CCNK: variants seen among roughly 807,000 people sequenced by gnomAD.
CCNK encodes cyclin K.
Under a neutral mutation model 65.0 loss-of-function variants are expected in CCNK, and 9 were observed. That is an observed-to-expected ratio of 0.14 (90% CI 0.08 to 0.24). The LOEUF (loss-of-function observed/expected upper bound fraction) is 0.24. CCNK is among the 10% of genes least tolerant of loss of function. CCNK has a pLI of 1.00. For synonymous variants in CCNK, 279 were observed against 270.8 expected, an observed-to-expected ratio of 1.03 and a Z score of -0.30; for missense variants, 474 against 720.0, an observed-to-expected ratio of 0.66 and a Z score of 3.91.
At chr14:99,492,943 C>A in intron 2 of CCNK, 69 bp downstream of exon 2, 1 of 1,265,458 alleles carries the variant, frequency 7.9e-7, no homozygotes, top group Non-Finnish European at 1.1e-6. Flanking sequence ...TAATTAGATT[C>A]TGTAGACAAA....
rs867757117 is a variant in CCNK, at chr14:99,510,399, G to A, written c.1360G>A (p.Glu454Lys). Residue 454 changes from glutamate to lysine, a missense_variant, in exon 11 of 11, where the codon GAG (glutamate) becomes AAG (lysine). Physicochemically the swap from Glu to Lys is moderately conservative, Grantham distance 56. Coordinates refer to ENST00000389879, the MANE Select transcript of CCNK (RefSeq NM_001099402.2). ...YQSLQSMMKTEGPSYGALPPA... is the reference protein window; with the variant it reads ...YQSLQSMMKTKGPSYGALPPA... The stretch of plus-strand genomic sequence containing the variant: ...GAGCCTGCAGTCCATGATGAAGACC[G>A]AGGGACCCTCCTACGGTGCCCTGCC... 5 of 1,559,270 alleles carry A rather than the reference G, an allele frequency of 3.2e-6. No individual in the cohort carries two copies. The highest frequency in any genetic ancestry group is 3.5e-6 in the Non-Finnish European group (4 of 1,154,578).
chr14:99,502,502 A>G, intron 7 of CCNK, 126 bp downstream of exon 7: 2 of 1,391,096 alleles, frequency 1.4e-6, no homozygotes, highest in Non-Finnish European at 9.6e-7. Flanking sequence ...CAGAAGCATC[A>G]TTAATTAAAT....
At chr14:99,488,404 C>T (rs974648267) in intron 1 of CCNK, among the ~76,000 whole-genome samples, 1 of 151,958 alleles carries the variant, frequency 6.6e-6, no homozygotes, top group Non-Finnish European at 1.5e-5. Flanking sequence ...TTGAAGAGAC[C>T]GGGTCAGTTG....
At position 99,510,312 on chromosome 14, in the gene CCNK, C is replaced by G. The variant is rs769843517; in HGVS notation, c.1273C>G (p.Pro425Ala). 1.6e-5 allele frequency: 25 copies of G among 1,564,966 alleles called. No homozygotes were observed. The African/African-American group carries it at 2.2e-4, about 14-fold the overall frequency. The part of the protein sequence containing the change: ...PLPHRPPPPP[P>A]SSYMTGMSTT... ...GCCACACCGGCCCCCGCCCCCACCC[C>G]CCTCCAGCTACATGACCGGGATGTC... Residue 425 changes from proline to alanine, a missense_variant, in exon 11 of 11, where the codon CCC (proline) becomes GCC (alanine). Around this residue, in one of 6 missense-constraint regions of CCNK, gnomAD observed 229 missense variants for 275.5 expected, o/e 0.83. Coordinates refer to ENST00000389879, the MANE Select transcript of CCNK (RefSeq NM_001099402.2).
chr14:99,510,474 C>T lies in CCNK; in HGVS notation c.1435C>T (p.Pro479Ser). Residue 479 changes from proline (P) to serine (S), a missense_variant, in exon 11 of 11, where the codon CCG (proline) becomes TCG (serine). By Grantham distance (74) the Pro-to-Ser change is moderately conservative. Coordinates refer to ENST00000389879, the MANE Select transcript of CCNK (RefSeq NM_001099402.2). ...AHLPYHPHVY[P>S]PNPPPPPVPP... ...CCTGCCCTACCACCCCCATGTCTAC[C>T]CGCCCAACCCGCCCCCGCCACCTGT... The T allele has an allele frequency of 1.1e-6, 1 of 905,632 alleles. No homozygotes were observed. Among genetic ancestry groups the T allele is most frequent in the Non-Finnish European group, 1.5e-6 (1 of 649,830 alleles). The allele number at this position is 905,632 out of a possible 1,614,324, so 56.1% of individuals were successfully genotyped here.
chr14:99,488,961 C>A (rs1896546797), intron 1 of CCNK, among the ~76,000 whole-genome samples: 1 of 139,760 alleles, frequency 7.2e-6, no homozygotes, highest in Non-Finnish European at 1.5e-5. Flanking sequence ...AGTCCTATGT[C>A]TTTTGATAAG....
intron 10 of CCNK, 59 bp downstream of exon 10, chr14:99,507,206 C>A (rs947759281): frequency 2.5e-5 from 25 of 1,011,268 alleles, no homozygotes; most frequent in Non-Finnish European, 4.0e-5. Context: ...ATGTTGGACG[C>A]AGCAGGTCCT....
intron 1 of CCNK, among the ~76,000 whole-genome samples, chr14:99,486,407 A>G (rs1035175098): frequency 1.3e-5 from 2 of 152,194 alleles, no homozygotes; most frequent in African/African-American, 4.8e-5. Context: ...AGAGTTCTGT[A>G]CCCAGACCCC....
chr14:99,487,578 T>C (rs1278150560), intron 1 of CCNK, among the ~76,000 whole-genome samples: 2 of 152,208 alleles, frequency 1.3e-5, no homozygotes, highest in African/African-American at 2.4e-5. Context: ...AACTTAATAT[T>C]GAGCAGAAGA....
chr14:99,498,372 A>G (rs1896746306), intron 4 of CCNK, among the ~76,000 whole-genome samples: 2 of 152,278 alleles, frequency 1.3e-5, no homozygotes, highest in South Asian at 4.1e-4. Context: ...TATCTCGCGC[A>G]GTCTTCCCTG....
intron 10 of CCNK, chr14:99,509,211 C>T (rs1897051563): frequency 6.6e-6 from 1 of 152,278 alleles, no homozygotes; most frequent in African/African-American, 2.4e-5. Flanking sequence ...TCTATGTTCT[C>T]TGGAACCAGA....
At chr14:99,492,289 C>A in intron 1 of CCNK, 1 of 174,904 alleles carries the variant, frequency 5.7e-6, no homozygotes, top group Non-Finnish European at 1.2e-5. Flanking sequence ...GTTAGAGGAC[C>A]TGTATGTCTA....
intron 6 of CCNK, 78 bp from the exon 7 acceptor site, chr14:99,502,129 T>G (rs566196761): frequency 7.0e-7 from 1 of 1,419,494 alleles, no homozygotes; most frequent in Admixed American, 2.8e-5. Flanking sequence ...TAATGGTTAG[T>G]TATGGCATCT....
intron 4 of CCNK, among the ~76,000 whole-genome samples, chr14:99,497,930 C>G (rs1305127288): frequency 6.6e-6 from 1 of 152,174 alleles, no homozygotes; most frequent in Non-Finnish European, 1.5e-5. Flanking sequence ...AATAATTTCA[C>G]CATCAGATAA....
intron 4 of CCNK, among the ~76,000 whole-genome samples, chr14:99,495,853 A>C (rs1278355983): frequency 2.0e-5 from 3 of 152,188 alleles, no homozygotes; most frequent in Non-Finnish European, 4.4e-5. Context: ...TATTCTAAGT[A>C]CTTTGGGGCA....
intron 10 of CCNK, chr14:99,509,424 G>C (rs903564648): frequency 6.6e-6 from 1 of 152,300 alleles, no homozygotes; most frequent in African/African-American, 2.4e-5. Flanking sequence ...TGTGGGAGGG[G>C]CCTGAGGCTG....
chr14:99,487,755 G>A (rs192955851), intron 1 of CCNK, among the ~76,000 whole-genome samples: 33 of 152,346 alleles, frequency 2.2e-4, no homozygotes, highest in Admixed American at 1.2e-3. Context: ...CAACTGAATA[G>A]TGTTAACACA....
At position 99,502,841 on chromosome 14, in the gene CCNK, C is replaced by T; in HGVS notation, c.868C>T (p.Gln290Ter). ...TACACCACAAGTGCCGCAAGTACAG[C>T]AGTCACAGCCGTCTCAAAGCTCCGA... ...QPTPQVPQVQQSQPSQSSEPS... is the reference protein window; with the variant it reads ...QPTPQVPQVQ Residue 290 changes from glutamine (Q) to a stop codon, truncating the protein, a stop_gained, in exon 8 of 11, where the codon CAG (glutamine) becomes TAG (stop). Coordinates refer to ENST00000389879, the MANE Select transcript of CCNK (RefSeq NM_001099402.2). LOFTEE classifies it high-confidence loss of function. The T allele has an allele frequency of 6.2e-7, 1 of 1,613,486 alleles. No homozygotes were observed. The highest frequency in any genetic ancestry group is 1.1e-5 in the South Asian group (1 of 91,020).
chr14:99,507,434 A>C, intron 10 of CCNK: 1 of 413,286 alleles, frequency 2.4e-6, no homozygotes, highest in South Asian at 2.3e-5. Context: ...GTGTGGTAGC[A>C]CACACCTGTA....
Sources: allele counts gnomAD v4.1 joint callset (sites outside exome capture counted in the v4.1 genomes callset), GRCh38; gene constraint gnomAD v4.1.1; regional missense constraint gnomAD v4.1.1; transcripts MANE v1.5; gene names NCBI Gene and HGNC (gene_info 2026-07-23, HGNC 2026-07-21).